Variants in FMO5 observed in about 807,000 individuals in gnomAD.
FMO5 encodes the protein flavin containing dimethylaniline monoxygenase 5.
FMO5 carries 51 observed loss-of-function variants against 43.6 expected under a neutral mutation model. The ratio of observed to expected loss-of-function variants is 1.17; its 90% CI spans 0.93 to 1.48. FMO5 has a LOEUF of 1.48. Among genes scored for constraint, FMO5 ranks in the 40% most tolerant of loss-of-function variants. The pLI, the probability that FMO5 is intolerant of heterozygous loss-of-function variation, is 0.00. For missense variants in FMO5, 644 were observed against 643.0 expected, an observed-to-expected ratio of 1.00 and a Z score of -0.02; for synonymous variants, 187 against 216.5, an observed-to-expected ratio of 0.86 and a Z score of 1.20.
chr1:147,224,634 C>T (rs1273870630), intron 2 of FMO5, among the ~76,000 whole-genome samples: 1 of 152,022 alleles, frequency 6.6e-6, no homozygotes, highest in Non-Finnish European at 1.5e-5. Context: ...CTTAGCCTCC[C>T]GAGTAGCTGG....
At chr1:147,204,964 G>T in intron 6 of FMO5, 8 of 1,335,070 alleles carry the variant, frequency 6.0e-6, no homozygotes, top group Non-Finnish European at 7.5e-6. Context: ...TCACGTGACC[G>T]CTCAGAAGAC....
chr1:147,201,409 T>C lies in FMO5; in HGVS notation c.926A>G (p.Glu309Gly), dbSNP rs1553920942. 1.9e-6 allele frequency: 3 copies of C among 1,614,180 alleles called. No homozygotes were observed. The Admixed American group carries it at 5.0e-5, about 27-fold the overall frequency. Residue 309 changes from glutamate (E) to glycine (G), a missense_variant, in exon 7 of 9, where the codon GAG (glutamate) becomes GGG (glycine). Physicochemically the swap from Glu to Gly is moderately conservative, Grantham distance 98. Transcript: ENST00000254090. ...KVKGNVKEFT[E>G]TAAIFEDGSR... ...GCCATCCTCAAATATGGCAGCTGTCTCCGTGAATTCCTTCACATTTCCTTT... is the reference window on the plus strand; with the variant it reads ...GCCATCCTCAAATATGGCAGCTGTCCCCGTGAATTCCTTCACATTTCCTTT...
At chr1:147,225,571 T>C (rs782817155), upstream of FMO5, 1 of 155,528 alleles carries the variant, frequency 6.4e-6, no homozygotes, top group Non-Finnish European at 1.4e-5. Context: ...CACTCTCAAT[T>C]ACTTTCTCTG....
At chr1:147,204,010 A>T (rs1490901759) in intron 6 of FMO5, 1 of 1,175,954 alleles carries the variant, frequency 8.5e-7, no homozygotes, top group African/African-American at 1.5e-5. Flanking sequence ...ACATCATATT[A>T]TATTTGTTTG....
At chr1:147,210,923 G>A (rs1045085169) in intron 5 of FMO5, 1 of 152,026 alleles carries the variant, frequency 6.6e-6, no homozygotes, top group Non-Finnish European at 1.5e-5. Context: ...CTTTACAAAA[G>A]CATCTACAAG....
chr1:147,208,692 G>A (rs1372159464), intron 6 of FMO5, 160 bp downstream of exon 6: 11 of 564,876 alleles, frequency 1.9e-5, no homozygotes, highest in Admixed American at 1.8e-4. Flanking sequence ...ACCCGCCTCC[G>A]CCTCCCAGAG....
intron 7 of FMO5, among the ~76,000 whole-genome samples, chr1:147,197,234 A>G (rs1430742220): frequency 1.3e-5 from 2 of 152,084 alleles, no homozygotes; most frequent in Non-Finnish European, 2.9e-5. Context: ...TTTCCCCTCT[A>G]TGGTCAATAT....
Position 147,215,811 on chromosome 1 carries a change from C to G in FMO5, c.267G>C (p.Leu89=). 6.2e-7 allele frequency: 1 copy of G among 1,613,840 alleles called. No homozygotes were observed. The highest frequency in any genetic ancestry group is 8.5e-7 in the Non-Finnish European group (1 of 1,179,864). ...YPNFMHNAQV[L]EYFRMYAKEF... Reference sequence around the variant, plus strand: ...CTTTGGCATACATCCTGAAATACTCCAGGACCTGGGCATTATGCATGAAGT... The same window carrying G: ...CTTTGGCATACATCCTGAAATACTCGAGGACCTGGGCATTATGCATGAAGT... The change falls in exon 3 of 9, where the codon CTG becomes CTC. Residue 89 remains leucine, a synonymous_variant. Coordinates refer to ENST00000254090, the MANE Select transcript of FMO5 (RefSeq NM_001461.4).
At position 147,212,480 on chromosome 1, in the gene FMO5, C is replaced by T. The variant is rs782437664; in HGVS notation, c.543G>A (p.Glu181=). Residue 181 remains glutamate (E), a synonymous_variant, in exon 5 of 9, where the codon GAG becomes GAA. Transcript: ENST00000254090. Reference sequence around the variant, plus strand: ...TAATGACTCTCTTTCCAGTGAATCCCTCTGGGTTCTTATAGTCTCGACTGT... The same window carrying T: ...TAATGACTCTCTTTCCAGTGAATCCTTCTGGGTTCTTATAGTCTCGACTGT... ...YFHSRDYKNP[E]GFTGKRVIII... The T allele has an allele frequency of 1.9e-6, 3 of 1,613,722 alleles. No homozygotes were observed. The highest frequency in any genetic ancestry group is 2.7e-5 in the African/African-American group (2 of 74,920).
At chr1:147,194,335 C>T (rs587634688) in intron 7 of FMO5, among the ~76,000 whole-genome samples, 2 of 152,200 alleles carry the variant, frequency 1.3e-5, no homozygotes, top group Non-Finnish European at 2.9e-5. Flanking sequence ...GCAACCCCTG[C>T]CTTTTTTTGT....
intron 7 of FMO5, among the ~76,000 whole-genome samples, chr1:147,193,606 C>G (rs1553919051): frequency 6.6e-6 from 1 of 152,050 alleles, no homozygotes; most frequent in Non-Finnish European, 1.5e-5. Flanking sequence ...GTTAGGGTGT[C>G]AATTTTGGAT....
chr1:147,219,591 C>G (rs1553925828), intron 2 of FMO5, among the ~76,000 whole-genome samples: 1 of 152,012 alleles, frequency 6.6e-6, no homozygotes, highest in East Asian at 1.9e-4. Flanking sequence ...GATGTCCTCT[C>G]TCACCACTCC....
Position 147,186,922 on chromosome 1 carries a change from G to T in FMO5, c.1580C>A (p.Ala527Asp). The T allele has an allele frequency of 6.2e-7, 1 of 1,613,802 alleles. No homozygotes were observed. The highest frequency in any genetic ancestry group is 8.5e-7 in the Non-Finnish European group (1 of 1,179,872). Reference sequence around the variant, plus strand: ...CAACTAGAAGTAAGCTATAATTATAGCAAAGAAGGCAAGAGCTAGCATAAA... The same window carrying T: ...CAACTAGAAGTAAGCTATAATTATATCAAAGAAGGCAAGAGCTAGCATAAA... ...GKFMLALAFF[A>D]IIIAYF Residue 527 changes from alanine (A) to aspartate (D), a missense_variant, in exon 9 of 9, where the codon GCT becomes GAT. Coordinates refer to ENST00000254090, the MANE Select transcript of FMO5 (RefSeq NM_001461.4).
chr1:147,223,136 G>A (rs1559681890), intron 2 of FMO5, among the ~76,000 whole-genome samples: 1 of 152,194 alleles, frequency 6.6e-6, no homozygotes, highest in Non-Finnish European at 1.5e-5. Context: ...AAGTCACACT[G>A]CTAGTAGGTG....
chr1:147,186,774 T>C lies in FMO5; in HGVS notation c.*126A>G. On this transcript the variant is annotated 3_prime_UTR_variant, in exon 9 of 9. Transcript: ENST00000254090. ...TGTAGGAAAAAGGAAAGTGAATTAA[T>C]GCTTTCGAAAGAGACATTAAAGTAG... 1.4e-6 allele frequency: 2 copies of C among 1,470,062 alleles called. No individual in the cohort carries two copies. Among genetic ancestry groups the C allele is most frequent in the East Asian group, 2.3e-5 (1 of 42,966 alleles). The allele number at this position is 1,470,062 out of a possible 1,614,324, so 91.1% of individuals were successfully genotyped here.
At chr1:147,194,076 C>T (rs1657455469) in intron 7 of FMO5, among the ~76,000 whole-genome samples, 1 of 152,064 alleles carries the variant, frequency 6.6e-6, no homozygotes, top group Non-Finnish European at 1.5e-5. Context: ...AACCTTCTGT[C>T]TCGTTGATCT....
chr1:147,190,122 T>C, intron 8 of FMO5, 55 bp downstream of exon 8: 1 of 1,193,096 alleles, frequency 8.4e-7, no homozygotes, highest in African/African-American at 1.5e-5. Flanking sequence ...AATATTTCTT[T>C]TATTAAGAAA....
intron 6 of FMO5, chr1:147,203,715 G>T: frequency 1.3e-6 from 2 of 1,514,554 alleles, no homozygotes; most frequent in South Asian, 2.2e-5. Context: ...GGTACAAGAC[G>T]TTTATCCCTT....
chr1:147,213,351 A>G lies in FMO5; in HGVS notation c.444T>C (p.Thr148=), dbSNP rs1661402096. ...GTAGATGAGCATTGGTGTGATGGCC[A>G]GTGCAAACCATGACTCCATCAAAGA... The part of the protein sequence containing the change: ...MNVFDGVMVC[T]GHHTNAHLPL... Residue 148 remains threonine (T), a synonymous_variant, in exon 4 of 9, where the codon ACT becomes ACC. Transcript: ENST00000254090. The G allele has an allele frequency of 1.9e-6, 3 of 1,613,286 alleles. No homozygotes were observed. The highest frequency in any genetic ancestry group is 2.5e-6 in the Non-Finnish European group (3 of 1,179,578).
Sources: allele counts gnomAD v4.1 joint callset (sites outside exome capture counted in the v4.1 genomes callset), GRCh38; gene constraint gnomAD v4.1.1; transcripts MANE v1.5; gene names NCBI Gene and HGNC (gene_info 2026-07-23, HGNC 2026-07-21).